PADI4: variants seen among roughly 807,000 people sequenced by gnomAD.
PADI4 encodes protein-arginine deiminase type-4.
PADI4 carries 62 observed loss-of-function variants against 75.0 expected under a neutral mutation model. The ratio of observed to expected loss-of-function variants is 0.83; its 90% CI spans 0.67 to 1.02. The LOEUF is 1.02. PADI4 is among the 50% of genes least tolerant of loss of function. The pLI, the probability that PADI4 is intolerant of heterozygous loss-of-function variation, is 0.00. For synonymous variants in PADI4, 361 were observed against 348.1 expected (o/e 1.04, Z -0.41); for missense variants, 845 against 850.5 (o/e 0.99, Z 0.08).
At chr1:17,316,362 C>T (rs1212886457) in intron 1 of PADI4, among the ~76,000 whole-genome samples, 2 of 151,456 alleles carry the variant, frequency 1.3e-5, no homozygotes, top group African/African-American at 2.4e-5. Context: ...CCACTGCACT[C>T]CAGCCTGGGT....
chr1:17,363,072 C>T (rs1479231835), intron 15 of PADI4, among the ~76,000 whole-genome samples: 1 of 152,074 alleles, frequency 6.6e-6, no homozygotes. Context: ...TCGCCTAGGC[C>T]TCCCAAAGTG....
At chr1:17,336,326 G>C in intron 4 of PADI4, 100 bp downstream of exon 4, 1 of 749,638 alleles carries the variant, frequency 1.3e-6, no homozygotes, top group Non-Finnish European at 2.3e-6. Flanking sequence ...CACGTATTCC[G>C]TGTTAACTGT....
intron 1 of PADI4, among the ~76,000 whole-genome samples, chr1:17,317,385 C>T (rs899220246): frequency 1.3e-5 from 2 of 152,184 alleles, no homozygotes; most frequent in African/African-American, 4.8e-5. Context: ...TCTCCTGCCT[C>T]AGCCTCCTGA....
Position 17,308,241 on chromosome 1 carries a change from A to G in PADI4, c.19A>G (p.Ile7Val). 1.2e-6 allele frequency: 2 copies of G among 1,613,980 alleles called. No individual in the cohort carries two copies. Among genetic ancestry groups the G allele is most frequent in the Non-Finnish European group, 1.7e-6 (2 of 1,179,968 alleles). MAQGTLIRVTPEQPTHA... is the reference protein window; with the variant it reads MAQGTLVRVTPEQPTHA... ...CCCGACGATGGCCCAGGGGACATTG[A>G]TCCGTGTGACCCCAGAGCAGCCCAC... Residue 7 changes from isoleucine to valine, a missense_variant, in exon 1 of 16, where the codon ATC becomes GTC. Physicochemically the swap from Ile to Val is conservative, Grantham distance 29 (BLOSUM62 3). Coordinates refer to ENST00000375448, the MANE Select transcript of PADI4 (RefSeq NM_012387.3).
chr1:17,334,101 G>A (rs1364840448), intron 3 of PADI4, 92 bp downstream of exon 3: 11 of 834,834 alleles, frequency 1.3e-5, no homozygotes, highest in South Asian at 1.2e-4. Flanking sequence ...ACTACACCTG[G>A]AGCTTACTTT....
chr1:17,337,337 C>G (rs1635590), intron 4 of PADI4, among the ~76,000 whole-genome samples: 97,458 of 151,560 alleles, frequency 0.64, 31,469 homozygotes, highest in Non-Finnish European at 0.67. Flanking sequence ...GTAGAGACAG[C>G]GTTTCGCCAT....
intron 10 of PADI4, among the ~76,000 whole-genome samples, chr1:17,351,564 A>G (rs2074622249): frequency 6.7e-6 from 1 of 149,890 alleles, no homozygotes. Context: ...AGCCATGATC[A>G]CACCACTGCA....
chr1:17,345,950 C>T (rs1327959604), intron 8 of PADI4, 78 bp from the exon 9 acceptor site: 2 of 933,304 alleles, frequency 2.1e-6, no homozygotes, highest in Admixed American at 1.9e-5. Context: ...CCTGAGCCAC[C>T]TGTGTGTCCC....
At position 17,331,027 on chromosome 1, in the gene PADI4, G is replaced by A; in HGVS notation, c.151G>A (p.Asp51Asn). ...SINASPGVVV[D>N]IAHGPPAKKK... The stretch of plus-strand genomic sequence containing the variant: ...CAACGCCTCCCCAGGGGTGGTCGTG[G>A]ATATTGCCCACGGCCCTCCAGCCAA... The change falls in exon 2 of 16, where the codon GAT (aspartate) becomes AAT (asparagine). Residue 51 changes from aspartate (D) to asparagine (N), a missense_variant. Physicochemically the swap from Asp to Asn is conservative, Grantham distance 23. Transcript: ENST00000375448. The A allele has an allele frequency of 1.2e-6, 2 of 1,608,080 alleles. No homozygotes were observed. The highest frequency in any genetic ancestry group is 1.7e-6 in the Non-Finnish European group (2 of 1,177,352).
chr1:17,344,685 A>G (rs531661837), intron 8 of PADI4, among the ~76,000 whole-genome samples: 166 of 152,350 alleles, frequency 1.1e-3, no homozygotes, highest in African/African-American at 3.7e-3. Context: ...GGAAGCCCCA[A>G]GCCTTGGCAG....
At chr1:17,320,060 A>T (rs961579027) in intron 1 of PADI4, among the ~76,000 whole-genome samples, 5 of 152,242 alleles carry the variant, frequency 3.3e-5, no homozygotes, top group Non-Finnish European at 7.3e-5. Context: ...CAAGATCAGA[A>T]GTCCAAAATA....
intron 5 of PADI4, among the ~76,000 whole-genome samples, chr1:17,338,666 G>A (rs1217571048): frequency 2.0e-5 from 3 of 152,164 alleles, no homozygotes; most frequent in Non-Finnish European, 2.9e-5. Flanking sequence ...TAGCAGACTC[G>A]GGGTTTGAAC....
intron 11 of PADI4, 67 bp from the exon 12 acceptor site, chr1:17,355,916 C>G: frequency 6.3e-7 from 1 of 1,587,108 alleles, no homozygotes; most frequent in South Asian, 1.1e-5. Context: ...TGCCAAGCCC[C>G]TTGTCCTTCA....
At chr1:17,326,141 T>G (rs1481173625) in intron 1 of PADI4, among the ~76,000 whole-genome samples, 1 of 152,232 alleles carries the variant, frequency 6.6e-6, no homozygotes, top group African/African-American at 2.4e-5. Flanking sequence ...ATATTTCTTT[T>G]GCTTTCCTAA....
chr1:17,317,614 C>G (rs2073963690), intron 1 of PADI4, among the ~76,000 whole-genome samples: 1 of 152,136 alleles, frequency 6.6e-6, no homozygotes, highest in Non-Finnish European at 1.5e-5. Context: ...TGGCATGGTT[C>G]CCTCAGATTC....
rs189099586 is a variant in PADI4, at chr1:17,324,322, G to A, written c.93-6647G>A. ...TCATTCTCTTACTTGTTAGTAAGGTGGAGTGCCTCTTCATGTTTTCATGTT... is the reference window on the plus strand; with the variant it reads ...TCATTCTCTTACTTGTTAGTAAGGTAGAGTGCCTCTTCATGTTTTCATGTT... On this transcript the variant is annotated intron_variant, in intron 1 of 15. Coordinates refer to ENST00000375448, the MANE Select transcript of PADI4 (RefSeq NM_012387.3). Among the ~76,000 whole-genome samples the A allele has an allele frequency of 7.9e-5, 12 of 152,018 alleles. 1 individual carries two copies. The highest frequency in any genetic ancestry group is 2.0e-4 in the Admixed American group (3 of 15,270).
At chr1:17,320,303 C>A (rs2074012216) in intron 1 of PADI4, among the ~76,000 whole-genome samples, 1 of 152,200 alleles carries the variant, frequency 6.6e-6, no homozygotes, top group Admixed American at 6.5e-5. Flanking sequence ...TGGTCCCAAT[C>A]CAGACCCCAA....
intron 1 of PADI4, among the ~76,000 whole-genome samples, chr1:17,318,153 C>A (rs1319333568): frequency 6.6e-6 from 1 of 152,200 alleles, no homozygotes; most frequent in Non-Finnish European, 1.5e-5. Flanking sequence ...GAAGACCACA[C>A]TTTGGGAAGC....
intron 15 of PADI4, among the ~76,000 whole-genome samples, chr1:17,361,650 T>C (rs1461902601): frequency 2.0e-5 from 3 of 152,196 alleles, no homozygotes; most frequent in African/African-American, 7.2e-5. Flanking sequence ...GTTGGGCTCA[T>C]TTTGCTGATG....
Sources: gnomAD v4.1 joint callset for allele counts (sites outside exome capture counted in the v4.1 genomes callset) on GRCh38, gnomAD v4.1.1 for gene constraint, MANE v1.5 for transcripts, NCBI Gene and HGNC (gene_info 2026-07-23, HGNC 2026-07-21) for gene names.